Variants in CLDN2 observed in about 807,000 individuals in gnomAD.
CLDN2 encodes claudin 2.
CLDN2 carries 1 observed loss-of-function variant against 8.2 expected under a neutral mutation model. The observed-to-expected ratio is 0.12, with a 90% confidence interval of 0.04 to 0.58. CLDN2 has a LOEUF of 0.58. Among genes scored for constraint, CLDN2 ranks in the 20% least tolerant of loss-of-function variants. The pLI is 0.90. For missense variants in CLDN2, 108 were observed against 172.9 expected, an observed-to-expected ratio of 0.62 and a Z score of 2.11; for synonymous variants, 70 against 70.2, an observed-to-expected ratio of 1.00 and a Z score of 0.01.
At chrX:106,903,339 C>T in intron 1 of CLDN2, 3 of 1,114,498 alleles carry the variant, frequency 2.7e-6, no homozygotes, top group Non-Finnish European at 3.6e-6. Flanking sequence ...ACCTTCTGCA[C>T]TCTTTTGGCT....
At position 106,928,906 on chromosome X, in the gene CLDN2, G is replaced by A; in HGVS notation, c.678G>A (p.Leu226=). The A allele has an allele frequency of 8.3e-7, 1 of 1,209,668 alleles. No homozygotes were observed. The highest frequency in any genetic ancestry group is 1.1e-6 in the Non-Finnish European group (1 of 894,235). The change falls in exon 2 of 2, where the codon CTG becomes CTA. Residue 226 remains leucine, a synonymous_variant. Coordinates refer to ENST00000336803, the MANE Select transcript of CLDN2 (RefSeq NM_020384.4). ...AGAGTGAGTTCAATTCCTACAGCCTGACAGGGTATGTGTGAAGAACCAGGG... is the reference window on the plus strand; with the variant it reads ...AGAGTGAGTTCAATTCCTACAGCCTAACAGGGTATGTGTGAAGAACCAGGG... ...KVKSEFNSYS[L]TGYV is the part of the protein sequence containing the mutation.
At chrX:106,921,590 C>T (rs1389113312) in intron 1 of CLDN2, among the ~76,000 whole-genome samples, 3 of 111,820 alleles carry the variant, frequency 2.7e-5, no homozygotes, top group Non-Finnish European at 5.6e-5. Flanking sequence ...CCCATGTAGT[C>T]TTAGGAGGGT....
rs199803730 is a variant in CLDN2 at position 106,928,929 on chromosome X, G to A, written c.*8G>A. Reference sequence around the variant, plus strand: ...CTGACAGGGTATGTGTGAAGAACCAGGGGCCAGAGCTGGGGGGTGGCTGGG... The same window carrying A: ...CTGACAGGGTATGTGTGAAGAACCAAGGGCCAGAGCTGGGGGGTGGCTGGG... On this transcript the variant is annotated 3_prime_UTR_variant, in exon 2 of 2. Coordinates refer to ENST00000336803, the MANE Select transcript of CLDN2 (RefSeq NM_020384.4). 5 of 1,199,568 alleles carry A rather than the reference G, an allele frequency of 4.2e-6. No homozygotes were observed. The African/African-American group carries it at 7.0e-5, about 17-fold the overall frequency.
At chrX:106,915,034 A>C (rs1933294771), upstream of CLDN2, among the ~76,000 whole-genome samples, 1 of 111,687 alleles carries the variant, frequency 9.0e-6, no homozygotes, top group African/African-American at 3.3e-5. Flanking sequence ...CACTACCCCA[A>C]CTCCTGGCAA....
Position 106,928,913 on chromosome X carries a change from T to C in CLDN2, c.685T>C (p.Tyr229His). The change falls in exon 2 of 2, where the codon TAT (tyrosine) becomes CAT (histidine). Residue 229 changes from tyrosine (Y) to histidine (H), a missense_variant. Physicochemically the swap from Tyr to His is moderately conservative, Grantham distance 83. This residue lies in a region of CLDN2 where 81 missense variants were observed against 100.8 expected (regional missense o/e 0.80). Coordinates refer to ENST00000336803, the MANE Select transcript of CLDN2 (RefSeq NM_020384.4). ...GTTCAATTCCTACAGCCTGACAGGG[T>C]ATGTGTGAAGAACCAGGGGCCAGAG... ...SEFNSYSLTG[Y>H]V 8.3e-7 allele frequency: 1 copy of C among 1,207,050 alleles called. No homozygotes were observed. The highest frequency in any genetic ancestry group is 1.1e-6 in the Non-Finnish European group (1 of 892,720).
intron 1 of CLDN2, among the ~76,000 whole-genome samples, chrX:106,921,715 C>A (rs780887475): frequency 3.1e-4 from 35 of 111,735 alleles, no homozygotes; most frequent in Non-Finnish European, 5.3e-4. Context: ...CAATCTTGAC[C>A]CTCCTAATCC....
intron 1 of CLDN2, among the ~76,000 whole-genome samples, chrX:106,926,705 A>G (rs769217924): frequency 1.9e-3 from 201 of 107,392 alleles, no homozygotes; most frequent in African/African-American, 6.6e-3. Flanking sequence ...TCTACAAAAA[A>G]TACACACACA....
intron 1 of CLDN2, among the ~76,000 whole-genome samples, chrX:106,910,653 A>C (rs1376923530): frequency 2.7e-5 from 3 of 109,956 alleles, no homozygotes; most frequent in Non-Finnish European, 5.7e-5. Context: ...TAGAGGTTGC[A>C]GTAAAATTAG....
upstream of CLDN2, among the ~76,000 whole-genome samples, chrX:106,917,373 G>A (rs1211427714): frequency 8.9e-6 from 1 of 112,161 alleles, no homozygotes; most frequent in African/African-American, 3.2e-5. Context: ...GTATTTCAAG[G>A]AAGACAAGGT....
upstream of CLDN2, chrX:106,918,377 T>C (rs1440025649): frequency 9.0e-6 from 1 of 111,480 alleles, no homozygotes; most frequent in Admixed American, 9.5e-5. Context: ...GCTGCCCTTT[T>C]AGCGTGTCCC....
upstream of CLDN2, among the ~76,000 whole-genome samples, chrX:106,916,916 G>A (rs977357799): frequency 1.8e-5 from 2 of 111,690 alleles, no homozygotes; most frequent in Non-Finnish European, 3.8e-5. Context: ...TGGGCGTGGC[G>A]GCACATGCTT....
intron 1 of CLDN2, among the ~76,000 whole-genome samples, chrX:106,904,177 G>A (rs191743730): frequency 1.8e-5 from 2 of 112,410 alleles, no homozygotes; most frequent in East Asian, 5.6e-4. Context: ...CTGGCCCAGT[G>A]GTCTCATAGG....
At chrX:106,902,255 C>T in intron 1 of CLDN2, 1 of 1,079,451 alleles carries the variant, frequency 9.3e-7, no homozygotes, top group Non-Finnish European at 1.3e-6. Context: ...GAGGAAGAGA[C>T]TGAAAGGTGG....
At chrX:106,913,948 C>CTTT (rs35925693), upstream of CLDN2, among the ~76,000 whole-genome samples, 48 of 77,496 alleles carry the variant, frequency 6.2e-4, no homozygotes, top group African/African-American at 1.9e-3. Flanking sequence ...CACTAGAAAA[C>CTTT]TTTTTTTTTT....
chrX:106,922,316 A>G (rs1167589525), intron 1 of CLDN2, among the ~76,000 whole-genome samples: 1 of 112,785 alleles, frequency 8.9e-6, no homozygotes, highest in Non-Finnish European at 1.9e-5. Context: ...CTGCCTGGGC[A>G]TGCTGCTATG....
chrX:106,928,414 C>A lies in CLDN2; in HGVS notation c.186C>A (p.Thr62=). The change falls in exon 2 of 2, where the codon ACC becomes ACA. Residue 62 remains threonine (T), a synonymous_variant. Transcript: ENST00000336803. ...GTGCCACACACAGCACAGGCATCAC[C>A]CAGTGTGACATCTATAGCACCCTTC... ...MECATHSTGI[T]QCDIYSTLLG... The A allele has an allele frequency of 8.3e-7, 1 of 1,212,037 alleles. No individual in the cohort carries two copies. The highest frequency in any genetic ancestry group is 1.1e-6 in the Non-Finnish European group (1 of 895,481).
intron 1 of CLDN2, among the ~76,000 whole-genome samples, chrX:106,906,026 C>A (rs188497786): frequency 9.7e-4 from 109 of 112,257 alleles, no homozygotes; most frequent in African/African-American, 3.4e-3. Context: ...AAGCCGCTGG[C>A]TCTTCTTGTT....
upstream of CLDN2, among the ~76,000 whole-genome samples, chrX:106,918,143 TCTA>T (rs113280546): frequency 3.4e-3 from 385 of 112,421 alleles, 3 homozygotes; most frequent in African/African-American, 0.012. Flanking sequence ...AAGGTGCCCC[TCTA>T]CTACATTCTG....
At chrX:106,913,092 T>C (rs978452938) in intron 1 of CLDN2, among the ~76,000 whole-genome samples, 11 of 98,437 alleles carry the variant, frequency 1.1e-4, no homozygotes, top group African/African-American at 5.9e-4. Flanking sequence ...CCATTCAAAG[T>C]GCAATTGATT....
Sources: allele counts gnomAD v4.1 joint callset (sites outside exome capture counted in the v4.1 genomes callset), GRCh38; gene constraint gnomAD v4.1.1; regional missense constraint gnomAD v4.1.1; transcripts MANE v1.5; gene names NCBI Gene and HGNC (gene_info 2026-07-23, HGNC 2026-07-21).